RAP1A: variants seen among roughly 807,000 people sequenced by gnomAD.
The protein encoded by RAP1A is ras-related protein Rap-1A.
In RAP1A, 6 loss-of-function variants were observed where a neutral mutation model predicts 26.4. The ratio of observed to expected loss-of-function variants is 0.23; its 90% confidence interval spans 0.12 to 0.45. The LOEUF is 0.45. Among genes scored for constraint, RAP1A ranks in the 20% least tolerant of loss-of-function variants. The pLI is 0.99. For missense variants in RAP1A, 121 were observed against 217.2 expected, an observed-to-expected ratio of 0.56 and a Z score of 2.78; for synonymous variants, 73 against 79.4, an observed-to-expected ratio of 0.92 and a Z score of 0.43.
At chr1:111,544,035 A>G (rs1488598426) in intron 1 of RAP1A, among the ~76,000 whole-genome samples, 1 of 152,206 alleles carries the variant, frequency 6.6e-6, no homozygotes, top group Non-Finnish European at 1.5e-5. Flanking sequence ...ATAGTTTCCA[A>G]TCAAATGTAT....
chr1:111,700,895 C>T (rs547625399), intron 4 of RAP1A, among the ~76,000 whole-genome samples: 1 of 152,274 alleles, frequency 6.6e-6, no homozygotes, highest in African/African-American at 2.4e-5. Context: ...ACCCAGAACT[C>T]AGCTACCACC....
intron 1 of RAP1A, among the ~76,000 whole-genome samples, chr1:111,614,776 C>T (rs1288969384): frequency 2.0e-5 from 3 of 152,118 alleles, no homozygotes. Flanking sequence ...CATTCAGTGG[C>T]TATTTGAAGA....
intron 1 of RAP1A, among the ~76,000 whole-genome samples, chr1:111,677,250 T>C (rs1661156687): frequency 6.6e-6 from 1 of 152,370 alleles, no homozygotes; most frequent in East Asian, 1.9e-4. Flanking sequence ...TATCACAATT[T>C]ATCTACTCAC....
At chr1:111,579,455 T>C (rs1245064891) in intron 1 of RAP1A, among the ~76,000 whole-genome samples, 1 of 152,204 alleles carries the variant, frequency 6.6e-6, no homozygotes, top group Non-Finnish European at 1.5e-5. Context: ...CTGAGCTATG[T>C]GCCAGGTACT....
intron 1 of RAP1A, among the ~76,000 whole-genome samples, chr1:111,610,080 C>T (rs945871442): frequency 6.6e-6 from 1 of 152,160 alleles, no homozygotes; most frequent in South Asian, 2.1e-4. Flanking sequence ...GATTGACTCC[C>T]TTGGTAATCC....
chr1:111,592,684 A>C (rs2101067037), intron 1 of RAP1A, among the ~76,000 whole-genome samples: 1 of 152,238 alleles, frequency 6.6e-6, no homozygotes, highest in Admixed American at 6.5e-5. Context: ...CAGCTCTCTC[A>C]ATGAAGTTTT....
intron 1 of RAP1A, among the ~76,000 whole-genome samples, chr1:111,555,571 C>T (rs1657456295): frequency 6.6e-6 from 1 of 151,724 alleles, no homozygotes; most frequent in South Asian, 2.1e-4. Context: ...GAAATGGAAA[C>T]TACAAAATAT....
At chr1:111,647,496 C>T (rs72695295) in intron 1 of RAP1A, among the ~76,000 whole-genome samples, 19,635 of 152,176 alleles carry the variant, frequency 0.13, 1,608 homozygotes, top group South Asian at 0.17. Context: ...TTCCATGAAA[C>T]TGGTTCTGCC....
At chr1:111,656,036 G>GA (rs1433915993) in intron 1 of RAP1A, among the ~76,000 whole-genome samples, 1 of 151,602 alleles carries the variant, frequency 6.6e-6, no homozygotes, top group Non-Finnish European at 1.5e-5. Flanking sequence ...ATAAGACAAA[G>GA]AAAAAAATGA....
chr1:111,691,524 T>A (rs1661667793), intron 2 of RAP1A, 107 bp downstream of exon 2: 2 of 935,434 alleles, frequency 2.1e-6, no homozygotes, highest in Non-Finnish European at 3.4e-6. Flanking sequence ...GGCATTATTA[T>A]ATATCTGATA....
At chr1:111,654,975 G>C (rs1005327457) in intron 1 of RAP1A, among the ~76,000 whole-genome samples, 1 of 151,832 alleles carries the variant, frequency 6.6e-6, no homozygotes, top group African/African-American at 2.4e-5. Flanking sequence ...GTTGGAGGCT[G>C]CACTAAGCTG....
chr1:111,569,372 C>T (rs1557853826), intron 1 of RAP1A, among the ~76,000 whole-genome samples: 1 of 134,224 alleles, frequency 7.5e-6, no homozygotes, highest in African/African-American at 2.9e-5. Context: ...GCACTCCAGA[C>T]AGAGTGAGAC....
chr1:111,573,250 T>G (rs1437096391), intron 1 of RAP1A, among the ~76,000 whole-genome samples: 2 of 152,192 alleles, frequency 1.3e-5, no homozygotes, highest in African/African-American at 4.8e-5. Flanking sequence ...TTATATTCCT[T>G]TGGGTATATA....
chr1:111,657,140 A>G (rs538145469), intron 1 of RAP1A, among the ~76,000 whole-genome samples: 17 of 152,316 alleles, frequency 1.1e-4, no homozygotes, highest in Non-Finnish European at 2.5e-4. Context: ...GAACACATCA[A>G]GGTTGAGCGT....
chr1:111,566,900 G>A (rs1657930121), intron 1 of RAP1A, among the ~76,000 whole-genome samples: 1 of 150,506 alleles, frequency 6.6e-6, no homozygotes, highest in Non-Finnish European at 1.5e-5. Context: ...GGAGGAGGAA[G>A]GGTCTCTTTA....
chr1:111,650,054 A>G lies in RAP1A; in HGVS notation c.-28+30120A>G, dbSNP rs183058693. 5.8e-4 allele frequency among the ~76,000 whole-genome samples: 87 copies of G among 149,690 alleles called. 1 individual carries two copies. Among genetic ancestry groups the G allele is most frequent in the Admixed American group, 5.4e-3 (82 of 15,052 alleles). ...CTTGGTTTTGATTTAGAATTCTTCT[A>G]ACAATATATATAAGTAATATTTGTG... is the stretch of plus-strand genomic sequence containing the variant. On this transcript the variant is annotated intron_variant, in intron 1 of 7. Coordinates refer to ENST00000369709, the MANE Select transcript of RAP1A (RefSeq NM_002884.4).
In RAP1A at chr1:111,715,829, A is replaced by G. The variant is rs1662525962; in HGVS notation, c.*3428A>G. Reference sequence around the variant, plus strand: ...GAAGAATAGTAATAAGACATTCTACATTTCCTGGACATGGCCAGTTTAAAA... The same window carrying G: ...GAAGAATAGTAATAAGACATTCTACGTTTCCTGGACATGGCCAGTTTAAAA... On this transcript the variant is annotated 3_prime_UTR_variant, in exon 8 of 8. Coordinates refer to ENST00000369709, the MANE Select transcript of RAP1A (RefSeq NM_002884.4). The G allele has an allele frequency of 6.6e-6, 1 of 152,238 alleles. No homozygotes were observed. 9.4% of individuals were successfully genotyped at this position (152,238 alleles called of 1,614,324 possible).
At position 111,676,833 on chromosome 1, in the gene RAP1A, G is replaced by T. The variant is rs571750342; in HGVS notation, c.-27-14501G>T. ...TTAAGAGACCAAGTCTTTCTCTGTTGTGCAGGCTGGAGTGCAGTGGTACAA... is the reference window on the plus strand; with the variant it reads ...TTAAGAGACCAAGTCTTTCTCTGTTTTGCAGGCTGGAGTGCAGTGGTACAA... On this transcript the variant is annotated intron_variant, in intron 1 of 7. Transcript: ENST00000369709. Among the ~76,000 whole-genome samples the T allele has an allele frequency of 3.3e-5, 5 of 150,048 alleles. No homozygotes were observed. In the South Asian group the frequency reaches 1.1e-3, roughly 32 times the overall value.
At chr1:111,630,390 T>A (rs1016270929) in intron 1 of RAP1A, among the ~76,000 whole-genome samples, 12 of 152,060 alleles carry the variant, frequency 7.9e-5, no homozygotes, top group Admixed American at 3.9e-4. Flanking sequence ...ATTTATTGAG[T>A]GATTATTGAG....
Sources: allele counts gnomAD v4.1 joint callset (sites outside exome capture counted in the v4.1 genomes callset), GRCh38; gene constraint gnomAD v4.1.1; transcripts MANE v1.5; gene names NCBI Gene and HGNC (gene_info 2026-07-23, HGNC 2026-07-21).